Variants in SLC44A1 observed in about 807,000 individuals in gnomAD.
SLC44A1 encodes solute carrier family 44 member 1, also known as choline transporter-like protein 1.
In SLC44A1, 26 loss-of-function variants were observed where a neutral mutation model predicts 79.3. The observed-to-expected ratio is 0.33, with a 90% CI of 0.24 to 0.46. The LOEUF (loss-of-function observed/expected upper bound fraction) is 0.46. Ranked by LOEUF, SLC44A1 falls within the 20% of genes least tolerant of loss-of-function variation. The probability of loss-of-function intolerance (pLI) is 1.00; values close to 1 mark genes in which losing one functional copy is unlikely to be tolerated. For synonymous variants in SLC44A1, 263 were observed against 286.2 expected, an observed-to-expected ratio of 0.92 and a Z score of 0.82; for missense variants, 688 against 798.1, an observed-to-expected ratio of 0.86 and a Z score of 1.66.
At position 105,309,764 on chromosome 9, in the gene SLC44A1, C is replaced by A. The variant is rs962782856; in HGVS notation, c.167C>A (p.Ala56Glu). The A allele has an allele frequency of 3.7e-6, 6 of 1,613,706 alleles. No homozygotes were observed. Among genetic ancestry groups the A allele is most frequent in the African/African-American group, 1.3e-5 (1 of 74,866 alleles). ...CGFSIATGAA[A>E]RLVSGYDSYG... ...TTTTCAATAGCAACAGGTGCAGCAG[C>A]AAGACTAGTGTCAGGATACGACAGC... The change falls in exon 3 of 16, where the codon GCA becomes GAA. Residue 56 changes from alanine (A) to glutamate (E), a missense_variant. Coordinates refer to ENST00000374720, the MANE Select transcript of SLC44A1 (RefSeq NM_080546.5).
intron 2 of SLC44A1, among the ~76,000 whole-genome samples, chr9:105,304,944 G>GTTTTTTTTTTTTTTT (rs10589897): frequency 5.0e-5 from 1 of 20,078 alleles, no homozygotes; most frequent in African/African-American, 1.4e-4. Context: ...ACTTTCTATC[G>GTTTTTTTTTTTTTTT]TTTTTTTTTT....
chr9:105,257,049 G>C (rs1564399625), intron 1 of SLC44A1, among the ~76,000 whole-genome samples: 2 of 151,820 alleles, frequency 1.3e-5, no homozygotes, highest in African/African-American at 4.8e-5. Flanking sequence ...GCCTCCCAAA[G>C]TGCTGGGATT....
Position 105,377,478 on chromosome 9 carries a change from C to T in SLC44A1, c.1632+2743C>T, listed in dbSNP as rs536888534. 1.9e-4 allele frequency among the ~76,000 whole-genome samples: 29 copies of T among 151,938 alleles called. No individual in the cohort carries two copies. In the Middle Eastern group the frequency reaches 0.01, roughly 54 times the overall value. On this transcript the variant is annotated intron_variant, in intron 13 of 15. Coordinates refer to ENST00000374720, the MANE Select transcript of SLC44A1 (RefSeq NM_080546.5). ...GAAAAATAAAAAGATGAGTTGGGCGCGGTGGCTCATGCCTATAATCCCAGC... is the reference window on the plus strand; with the variant it reads ...GAAAAATAAAAAGATGAGTTGGGCGTGGTGGCTCATGCCTATAATCCCAGC...
intron 15 of SLC44A1, among the ~76,000 whole-genome samples, chr9:105,406,405 T>C (rs1829029883): frequency 6.6e-6 from 1 of 151,944 alleles, no homozygotes; most frequent in South Asian, 2.1e-4. Flanking sequence ...AATTACAAGG[T>C]ACACAAAGAA....
intron 3 of SLC44A1, among the ~76,000 whole-genome samples, chr9:105,335,262 A>G (rs1469269975): frequency 1.3e-5 from 2 of 152,144 alleles, no homozygotes; most frequent in East Asian, 3.8e-4. Flanking sequence ...TGACAAAATA[A>G]GAAAAAATTA....
At chr9:105,333,096 T>A (rs1456012104) in intron 3 of SLC44A1, among the ~76,000 whole-genome samples, 2 of 152,158 alleles carry the variant, frequency 1.3e-5, no homozygotes, top group African/African-American at 2.4e-5. Flanking sequence ...AGGAATATGT[T>A]TTAAGGTATA....
chr9:105,421,939 A>G (rs1359849464), intron 15 of SLC44A1, among the ~76,000 whole-genome samples: 2 of 152,100 alleles, frequency 1.3e-5, no homozygotes, highest in African/African-American at 2.4e-5. Context: ...AGTATTTTTC[A>G]GTCTTGCACA....
chr9:105,406,900 C>T (rs1461125779), intron 15 of SLC44A1, among the ~76,000 whole-genome samples: 2 of 151,888 alleles, frequency 1.3e-5, no homozygotes, highest in Non-Finnish European at 2.9e-5. Context: ...AATGTTTTAC[C>T]TAATAGAAGA....
intron 1 of SLC44A1, among the ~76,000 whole-genome samples, chr9:105,281,462 T>C (rs1830349166): frequency 6.6e-6 from 1 of 152,206 alleles, no homozygotes; most frequent in South Asian, 2.1e-4. Context: ...AGATGAGTCA[T>C]GGAGGCAGTG....
In SLC44A1 at chr9:105,285,528, G is replaced by C. The variant is rs544821869; in HGVS notation, c.37-13692G>C. ...AAACAGGCTTTGTGTGAGCAACAAG[G>C]CTGTTTATTTCACCTGGGTGCAGGC... On this transcript the variant is annotated intron_variant, in intron 1 of 15. Transcript: ENST00000374720. Among the ~76,000 whole-genome samples, 8 of 152,330 alleles carry C rather than the reference G, an allele frequency of 5.3e-5. No homozygotes were observed. In the South Asian group the frequency reaches 1.7e-3, roughly 32 times the overall value.
intron 5 of SLC44A1, among the ~76,000 whole-genome samples, chr9:105,351,574 GA>G (rs1827418253): frequency 5.3e-5 from 6 of 114,116 alleles, no homozygotes; most frequent in African/African-American, 3.6e-5. Context: ...GAGAGAAAGA[GA>G]GAAAGAGAGA....
At chr9:105,419,663 A>G (rs1588877883) in intron 15 of SLC44A1, among the ~76,000 whole-genome samples, 2 of 152,130 alleles carry the variant, frequency 1.3e-5, no homozygotes, top group Non-Finnish European at 2.9e-5. Context: ...GCCTGTAATA[A>G]TACCACTTTG....
At chr9:105,262,047 G>T (rs1024693045) in intron 1 of SLC44A1, among the ~76,000 whole-genome samples, 2 of 152,114 alleles carry the variant, frequency 1.3e-5, no homozygotes, top group African/African-American at 4.8e-5. Context: ...GCTTCCCAAA[G>T]TGCTGGGATT....
At chr9:105,317,851 A>G (rs150395889) in intron 3 of SLC44A1, among the ~76,000 whole-genome samples, 13 of 152,306 alleles carry the variant, frequency 8.5e-5, no homozygotes, top group Non-Finnish European at 1.9e-4. Flanking sequence ...TTGTCAAGGT[A>G]TTCCTCAGAG....
At chr9:105,384,381 A>G (rs766908805) in intron 14 of SLC44A1, among the ~76,000 whole-genome samples, 1 of 152,044 alleles carries the variant, frequency 6.6e-6, no homozygotes. Context: ...GGGTTTTACC[A>G]TGTTGGCCAG....
chr9:105,381,571 A>G (rs1164923659), intron 13 of SLC44A1, among the ~76,000 whole-genome samples: 2 of 152,046 alleles, frequency 1.3e-5, no homozygotes, highest in Non-Finnish European at 2.9e-5. Context: ...AAGAAAAAGA[A>G]AAGAAAATAG....
chr9:105,329,786 A>G (rs1388067814), intron 3 of SLC44A1, among the ~76,000 whole-genome samples: 3 of 152,266 alleles, frequency 2.0e-5, no homozygotes, highest in African/African-American at 4.8e-5. Context: ...GCTTTTAGAC[A>G]TGCAGTTTTC....
At chr9:105,433,227 T>G (rs866098895) in intron 15 of SLC44A1, among the ~76,000 whole-genome samples, 22 of 151,934 alleles carry the variant, frequency 1.4e-4, no homozygotes, top group African/African-American at 5.1e-4. Context: ...ACCCAGGAGG[T>G]GGAGGTTGCA....
Position 105,265,209 on chromosome 9 carries a change from G to C in SLC44A1, c.36+20305G>C, listed in dbSNP as rs575470020. 4.6e-5 allele frequency among the ~76,000 whole-genome samples: 7 copies of C among 152,092 alleles called. No individual in the cohort carries two copies. The East Asian group carries it at 1.2e-3, about 25-fold the overall frequency. Reference sequence around the variant, plus strand: ...TTTGTTCTACAGTTGTATGAACTTTGACAGACGCATGGCCTTATGGAGCCA... The same window carrying C: ...TTTGTTCTACAGTTGTATGAACTTTCACAGACGCATGGCCTTATGGAGCCA... On this transcript the variant is annotated intron_variant, in intron 1 of 15. Transcript: ENST00000374720.
Sources: gnomAD v4.1 joint callset for allele counts (sites outside exome capture counted in the v4.1 genomes callset) on GRCh38, gnomAD v4.1.1 for gene constraint, MANE v1.5 for transcripts, NCBI Gene and HGNC (gene_info 2026-07-23, HGNC 2026-07-21) for gene names.